The following PTPRT variants were observed in gnomAD, a reference collection of about 807,000 sequenced individuals.
The protein encoded by PTPRT is protein tyrosine phosphatase receptor type T.
In PTPRT, 56 loss-of-function variants were observed where a neutral mutation model predicts 176.8. The observed-to-expected ratio is 0.32, with a 90% confidence interval of 0.26 to 0.40. The LOEUF (loss-of-function observed/expected upper bound fraction) is 0.40, where lower values mean the gene tolerates loss of function less well. Ranked by LOEUF, PTPRT falls within the 10% of genes least tolerant of loss-of-function variation. The pLI, the probability that PTPRT is intolerant of heterozygous loss-of-function variation, is 1.00. For missense variants in PTPRT, 1,540 were observed against 1,908.2 expected, an observed-to-expected ratio of 0.81 and a Z score of 3.60; for synonymous variants, 783 against 739.0, an observed-to-expected ratio of 1.06 and a Z score of -0.96.
chr20:42,361,524 T>C (rs2058431703), intron 9 of PTPRT, among the ~76,000 whole-genome samples: 1 of 152,156 alleles, frequency 6.6e-6, no homozygotes, highest in Admixed American at 6.5e-5. Flanking sequence ...TTCTGACTTG[T>C]CCACAGAGAC....
At chr20:42,911,866 A>G (rs1444908529) in intron 1 of PTPRT, among the ~76,000 whole-genome samples, 6 of 152,076 alleles carry the variant, frequency 3.9e-5, no homozygotes, top group Non-Finnish European at 7.4e-5. Flanking sequence ...CTTTTAAAGT[A>G]CATTACAGTA....
chr20:42,508,766 T>TA (rs1191295278), intron 7 of PTPRT, among the ~76,000 whole-genome samples: 7 of 151,612 alleles, frequency 4.6e-5, no homozygotes, highest in Admixed American at 6.6e-5. Flanking sequence ...GGTGAGCTAT[T>TA]ATTACTGTTG....
At position 42,543,757 on chromosome 20, in the gene PTPRT, C is replaced by T. The variant is rs2145588011; in HGVS notation, c.1154-71195G>A. Among the ~76,000 whole-genome samples, 2 of 152,160 alleles carry T rather than the reference C, an allele frequency of 1.3e-5. 1 individual carries two copies. The highest frequency in any genetic ancestry group is 4.1e-4 in the South Asian group (2 of 4,820). On this transcript the variant is annotated intron_variant, in intron 7 of 30. Transcript: ENST00000373187. ...AAACAAGACCCAAAAGTCAAAATGA[C>T]TTCTTGATCCATGGTCTGTAGAATG... is the stretch of plus-strand genomic sequence containing the variant.
intron 7 of PTPRT, among the ~76,000 whole-genome samples, chr20:42,535,195 G>T (rs1308826943): frequency 6.6e-6 from 1 of 152,112 alleles, no homozygotes; most frequent in Admixed American, 6.5e-5. Context: ...AGAGCTGGAG[G>T]CCATTATCCT....
At chr20:43,170,729 C>G (rs1342521578) in intron 1 of PTPRT, among the ~76,000 whole-genome samples, 3 of 152,190 alleles carry the variant, frequency 2.0e-5, no homozygotes, top group Non-Finnish European at 4.4e-5. Flanking sequence ...CAAAACATCA[C>G]AGTAATTTGC....
At chr20:42,511,205 T>C (rs74358567) in intron 7 of PTPRT, among the ~76,000 whole-genome samples, 1 of 152,318 alleles carries the variant, frequency 6.6e-6, no homozygotes, top group East Asian at 1.9e-4. Flanking sequence ...TCCCAGTCTC[T>C]GGAACTGTGA....
chr20:43,108,575 G>A (rs569425883), intron 1 of PTPRT, among the ~76,000 whole-genome samples: 3 of 152,164 alleles, frequency 2.0e-5, no homozygotes, highest in East Asian at 1.9e-4. Flanking sequence ...GGTTGGGGGC[G>A]GGGGCTTGAG....
chr20:43,136,554 G>A (rs1311959277), intron 1 of PTPRT, among the ~76,000 whole-genome samples: 1 of 152,136 alleles, frequency 6.6e-6, no homozygotes, highest in Admixed American at 6.5e-5. Flanking sequence ...CTGCTTACCT[G>A]TATTTTTGGT....
At chr20:42,686,653 C>T (rs13042288) in intron 6 of PTPRT, among the ~76,000 whole-genome samples, 41,178 of 151,164 alleles carry the variant, frequency 0.27, 5,829 homozygotes, top group Non-Finnish European at 0.3. Flanking sequence ...CCACCATGCC[C>T]GGCTAATTTT....
chr20:43,053,539 A>G (rs1987126160), intron 1 of PTPRT, among the ~76,000 whole-genome samples: 1 of 152,196 alleles, frequency 6.6e-6, no homozygotes, highest in Non-Finnish European at 1.5e-5. Flanking sequence ...ACAGACATGG[A>G]GCCATCCAGC....
At chr20:42,262,523 G>C (rs1354067609) in intron 13 of PTPRT, among the ~76,000 whole-genome samples, 1 of 152,214 alleles carries the variant, frequency 6.6e-6, no homozygotes, top group Admixed American at 6.5e-5. Flanking sequence ...AGGTGAGTCT[G>C]CATGGAGTTC....
chr20:42,634,920 C>T (rs772530272), intron 7 of PTPRT, among the ~76,000 whole-genome samples: 7 of 151,838 alleles, frequency 4.6e-5, no homozygotes, highest in Non-Finnish European at 1.0e-4. Context: ...TTTTTATTTC[C>T]AGTTCCAAAG....
chr20:42,879,569 T>C (rs954604424), intron 2 of PTPRT, among the ~76,000 whole-genome samples: 19 of 152,156 alleles, frequency 1.2e-4, no homozygotes, highest in African/African-American at 4.3e-4. Context: ...AACTTATCTT[T>C]TTAGGAGACA....
intron 7 of PTPRT, among the ~76,000 whole-genome samples, chr20:42,593,917 T>C (rs977169307): frequency 6.6e-6 from 1 of 152,188 alleles, no homozygotes; most frequent in Non-Finnish European, 1.5e-5. Context: ...TTCCATCTCA[T>C]TGGCCAGCAG....
At chr20:42,235,362 G>A (rs1019220831) in intron 15 of PTPRT, among the ~76,000 whole-genome samples, 78 of 152,160 alleles carry the variant, frequency 5.1e-4, no homozygotes, top group African/African-American at 1.8e-3. Flanking sequence ...CTGGGTTCAA[G>A]CAATTCTCCT....
At chr20:42,277,358 C>G (rs993484464) in intron 13 of PTPRT, among the ~76,000 whole-genome samples, 1 of 152,208 alleles carries the variant, frequency 6.6e-6, no homozygotes, top group African/African-American at 2.4e-5. Context: ...CTAACTGCCA[C>G]TCGGGCGCAC....
At chr20:42,449,856 G>C (rs543945003) in intron 8 of PTPRT, among the ~76,000 whole-genome samples, 4 of 152,178 alleles carry the variant, frequency 2.6e-5, no homozygotes, top group South Asian at 4.1e-4. Flanking sequence ...GTTAAAAAAG[G>C]AAAAGAACAA....
chr20:42,159,351 T>C (rs1374925984), intron 17 of PTPRT, among the ~76,000 whole-genome samples: 1 of 152,068 alleles, frequency 6.6e-6, no homozygotes, highest in Non-Finnish European at 1.5e-5. Flanking sequence ...TAACCCATCC[T>C]CTGAAGGCCA....
At chr20:42,209,445 T>C (rs1041957256) in intron 15 of PTPRT, among the ~76,000 whole-genome samples, 11 of 151,648 alleles carry the variant, frequency 7.3e-5, no homozygotes, top group African/African-American at 2.7e-4. Context: ...ATAGACACAA[T>C]AAAAAATGAT....
Sources: gnomAD v4.1 joint callset for allele counts (sites outside exome capture counted in the v4.1 genomes callset) on GRCh38, gnomAD v4.1.1 for gene constraint, MANE v1.5 for transcripts, NCBI Gene and HGNC (gene_info 2026-07-23, HGNC 2026-07-21) for gene names.